Variants in DCLK2 observed in about 807,000 individuals in gnomAD.
DCLK2 encodes serine/threonine-protein kinase DCLK2.
Under a neutral mutation model 78.4 loss-of-function variants are expected in DCLK2, and 31 were observed. The observed-to-expected ratio is 0.40, with a 90% CI of 0.30 to 0.53. DCLK2 has a LOEUF of 0.53. Ranked by LOEUF, DCLK2 falls within the 20% of genes least tolerant of loss-of-function variation. The pLI is 0.61. For synonymous variants in DCLK2, 407 were observed against 374.9 expected (o/e 1.09, Z -0.99); for missense variants, 872 against 973.7 (o/e 0.90, Z 1.39).
At chr4:150,174,085 A>G (rs1186094594) in intron 2 of DCLK2, among the ~76,000 whole-genome samples, 2 of 152,156 alleles carry the variant, frequency 1.3e-5, no homozygotes, top group Non-Finnish European at 2.9e-5. Context: ...CCAGGAAATG[A>G]ACTCCGGGAA....
At chr4:150,211,656 G>T (rs1375441841) in intron 5 of DCLK2, among the ~76,000 whole-genome samples, 1 of 151,964 alleles carries the variant, frequency 6.6e-6, no homozygotes, top group Non-Finnish European at 1.5e-5. Context: ...CAATTTTATT[G>T]CTTTGTTCTC....
chr4:150,185,765 G>A (rs553897458), intron 2 of DCLK2, among the ~76,000 whole-genome samples: 277 of 151,828 alleles, frequency 1.8e-3, no homozygotes, highest in Non-Finnish European at 3.4e-3. Flanking sequence ...TCTTTCACAC[G>A]TTTTTGTATC....
At chr4:150,182,622 C>T (rs540659121) in intron 2 of DCLK2, among the ~76,000 whole-genome samples, 14 of 152,122 alleles carry the variant, frequency 9.2e-5, no homozygotes, top group Non-Finnish European at 1.9e-4. Flanking sequence ...TGTATTTCTG[C>T]TTGCTTACAT....
intron 5 of DCLK2, among the ~76,000 whole-genome samples, chr4:150,207,135 T>C (rs1039796858): frequency 6.6e-6 from 1 of 152,188 alleles, no homozygotes; most frequent in Admixed American, 6.5e-5. Context: ...TTATCCTAGT[T>C]AGATGCTCTA....
chr4:150,226,655 T>C (rs990752975), intron 8 of DCLK2, among the ~76,000 whole-genome samples: 1 of 152,236 alleles, frequency 6.6e-6, no homozygotes, highest in Non-Finnish European at 1.5e-5. Context: ...GGCAAATGGA[T>C]AAGTCAGTTC....
intron 5 of DCLK2, among the ~76,000 whole-genome samples, chr4:150,217,176 C>T (rs766161886): frequency 6.6e-6 from 1 of 152,148 alleles, no homozygotes; most frequent in African/African-American, 2.4e-5. Context: ...AATTCATTTA[C>T]AGGAGACAAG....
chr4:150,119,042 A>T (rs1580536734), intron 2 of DCLK2, among the ~76,000 whole-genome samples: 1 of 36,482 alleles, frequency 2.7e-5, no homozygotes, highest in African/African-American at 8.8e-5. Flanking sequence ...TAACAATAAT[A>T]ATATAATAAT....
At chr4:150,085,128 A>G (rs1560757202) in intron 1 of DCLK2, among the ~76,000 whole-genome samples, 4 of 152,180 alleles carry the variant, frequency 2.6e-5, no homozygotes. Flanking sequence ...TGTAAGAGGT[A>G]GAGCTGGCAC....
chr4:150,095,911 C>G (rs1460221662), intron 1 of DCLK2, among the ~76,000 whole-genome samples: 3 of 152,154 alleles, frequency 2.0e-5, no homozygotes, highest in Non-Finnish European at 4.4e-5. Flanking sequence ...AAGGAAATTG[C>G]AAGCATGCTG....
At chr4:150,085,362 C>T (rs560030045) in intron 1 of DCLK2, among the ~76,000 whole-genome samples, 6 of 152,162 alleles carry the variant, frequency 3.9e-5, no homozygotes, top group Non-Finnish European at 5.9e-5. Context: ...GTCCAAGGCA[C>T]GGCACTGGCA....
At chr4:150,103,826 A>G (rs1015245083) in intron 2 of DCLK2, among the ~76,000 whole-genome samples, 1 of 152,090 alleles carries the variant, frequency 6.6e-6, no homozygotes, top group South Asian at 2.1e-4. Flanking sequence ...CCAGTAGATT[A>G]TGGTAAAATT....
intron 8 of DCLK2, among the ~76,000 whole-genome samples, chr4:150,228,422 C>A (rs145994401): frequency 7.7e-4 from 117 of 152,304 alleles, no homozygotes; most frequent in African/African-American, 2.4e-3. Flanking sequence ...CAGCACAGTG[C>A]GTGATGTGTC....
chr4:150,114,303 C>T lies in DCLK2; in HGVS notation c.756+11491C>T, dbSNP rs565312007. Among the ~76,000 whole-genome samples the T allele has an allele frequency of 1.0e-3, 157 of 152,188 alleles. 1 individual carries two copies. Among genetic ancestry groups the T allele is most frequent in the African/African-American group, 3.7e-3 (153 of 41,524 alleles). On this transcript the variant is annotated intron_variant, in intron 2 of 15. Transcript: ENST00000296550. ...CTTAAATCCAGTGTCTCCTTGTTGA[C>T]GTTCTGCCTTGATGACCTGTCTAGT...
chr4:150,242,111 A>G (rs950367113), intron 12 of DCLK2, among the ~76,000 whole-genome samples: 1 of 152,248 alleles, frequency 6.6e-6, no homozygotes, highest in Admixed American at 6.5e-5. Flanking sequence ...CGGTTTTCCC[A>G]TTGCGTTGAA....
At position 150,171,435 on chromosome 4, in the gene DCLK2, C is replaced by T. The variant is rs184131801; in HGVS notation, c.757-21703C>T. On this transcript the variant is annotated intron_variant, in intron 2 of 15. Transcript: ENST00000296550. ...GGCGGAGCTTCCAGTGAGCAGATATCGCGCCACTGCACTCCAGCCTGGGCG... is the reference window on the plus strand; with the variant it reads ...GGCGGAGCTTCCAGTGAGCAGATATTGCGCCACTGCACTCCAGCCTGGGCG... Among the ~76,000 whole-genome samples, 1,121 of 152,218 alleles carry T rather than the reference C, an allele frequency of 7.4e-3. 4 individuals carry two copies. Among genetic ancestry groups the T allele is most frequent in the Non-Finnish European group, 0.01 (699 of 68,010 alleles).
chr4:150,108,764 T>C (rs904858864), intron 2 of DCLK2, among the ~76,000 whole-genome samples: 2 of 152,136 alleles, frequency 1.3e-5, no homozygotes, highest in African/African-American at 4.8e-5. Flanking sequence ...AAAAAAAAAT[T>C]CTAGCTTTTA....
intron 2 of DCLK2, among the ~76,000 whole-genome samples, chr4:150,104,422 A>AAAAAAAAAAAAC (rs1731105646): frequency 7.1e-6 from 1 of 141,184 alleles, no homozygotes; most frequent in African/African-American, 2.6e-5. Context: ...AAAAAAAAAA[A>AAAAAAAAAAAAC]ATCGAGCATC....
At chr4:150,157,990 A>C (rs940076590) in intron 2 of DCLK2, among the ~76,000 whole-genome samples, 1 of 152,222 alleles carries the variant, frequency 6.6e-6, no homozygotes, top group African/African-American at 2.4e-5. Context: ...GGAGGGCCAC[A>C]AATCATTGTA....
intron 2 of DCLK2, among the ~76,000 whole-genome samples, chr4:150,110,765 G>C (rs575364728): frequency 6.6e-6 from 1 of 152,200 alleles, no homozygotes; most frequent in Admixed American, 6.5e-5. Context: ...GTTACTACAG[G>C]TAGAAGAATG....
Sources: gnomAD v4.1 joint callset for allele counts (sites outside exome capture counted in the v4.1 genomes callset) on GRCh38, gnomAD v4.1.1 for gene constraint, MANE v1.5 for transcripts, NCBI Gene and HGNC (gene_info 2026-07-23, HGNC 2026-07-21) for gene names.